ZFHX3: variants seen among roughly 807,000 people sequenced by gnomAD.
The protein encoded by ZFHX3 is zinc finger homeobox 3.
A neutral mutation model predicts 279.1 loss-of-function variants in ZFHX3; 42 were observed. The ratio of observed to expected loss-of-function variants is 0.15; its 90% CI spans 0.12 to 0.19. ZFHX3 has a LOEUF of 0.19. Among genes scored for constraint, ZFHX3 ranks in the 10% least tolerant of loss-of-function variants. The pLI is 1.00. For synonymous variants in ZFHX3, 2,293 were observed against 1,957.8 expected, an observed-to-expected ratio of 1.17 and a Z score of -4.52; for missense variants, 4,981 against 4,754.0, an observed-to-expected ratio of 1.05 and a Z score of -1.40.
At chr16:73,220,950 G>A (rs918805080) in intron 5 of ZFHX3, among the ~76,000 whole-genome samples, 1 of 152,166 alleles carries the variant, frequency 6.6e-6, no homozygotes, top group Non-Finnish European at 1.5e-5. Context: ...CAGTGGTCCA[G>A]GGAATCTCTG....
At chr16:73,736,804 T>G (rs1597088591) in intron 1 of ZFHX3, among the ~76,000 whole-genome samples, 1 of 152,230 alleles carries the variant, frequency 6.6e-6, no homozygotes, top group Admixed American at 6.5e-5. Flanking sequence ...CAGTTGGCCA[T>G]CTTTAGCAGG....
intron 1 of ZFHX3, among the ~76,000 whole-genome samples, chr16:73,709,673 G>C (rs1479823709): frequency 2.0e-5 from 3 of 152,030 alleles, no homozygotes; most frequent in Non-Finnish European, 4.4e-5. Flanking sequence ...ATTTCAGTTA[G>C]GAAGAATAAC....
intron 4 of ZFHX3, among the ~76,000 whole-genome samples, chr16:72,872,887 C>A (rs1337502462): frequency 6.6e-6 from 1 of 152,214 alleles, no homozygotes; most frequent in Non-Finnish European, 1.5e-5. Context: ...CAATTTTTGG[C>A]CCTGCCCAAG....
intron 5 of ZFHX3, among the ~76,000 whole-genome samples, chr16:73,226,854 C>T (rs763222734): frequency 1.3e-4 from 20 of 152,308 alleles, no homozygotes; most frequent in Middle Eastern, 3.4e-3. Flanking sequence ...GATCTTCTAG[C>T]GCCTTCACGT....
At position 73,105,396 on chromosome 16, in the gene ZFHX3, T is replaced by TATATATATATACACACACAC. The variant is rs1567389819; in HGVS notation, c.-896-11799_-896-11798insGTGTGTGTGTATATATATAT. On this transcript the variant is annotated intron_variant, in intron 7 of 17. Transcript: ENST00000641206. Reference sequence around the variant, plus strand: ...ATATATATATATACACACACACACATATATATATATATACACACACACATA... The same window carrying TATATATATATACACACACAC: ...ATATATATATATACACACACACACATATATATATATACACACACACATATATATATATACACACACACATA... Among the ~76,000 whole-genome samples, 13 of 33,112 alleles carry TATATATATATACACACACAC rather than the reference T, an allele frequency of 3.9e-4. 1 individual carries two copies. The highest frequency in any genetic ancestry group is 9.3e-4 in the African/African-American group (10 of 10,762). 21.7% of individuals were successfully genotyped at this position (33,112 alleles called of 152,430 possible).
At chr16:73,881,487 C>CT (rs202201864) in intron 1 of ZFHX3, among the ~76,000 whole-genome samples, 1 of 83,628 alleles carries the variant, frequency 1.2e-5, no homozygotes, top group Non-Finnish European at 3.3e-5. Flanking sequence ...TCTGCCCCCC[C>CT]CCCCCACTCT....
intron 4 of ZFHX3, among the ~76,000 whole-genome samples, chr16:72,870,926 C>G (rs2038145823): frequency 6.6e-6 from 1 of 152,120 alleles, no homozygotes; most frequent in African/African-American, 2.4e-5. Context: ...GAAATACACA[C>G]TAACTTATTT....
At chr16:73,024,899 A>G (rs770518174) in intron 1 of ZFHX3, among the ~76,000 whole-genome samples, 1 of 152,186 alleles carries the variant, frequency 6.6e-6, no homozygotes, top group Non-Finnish European at 1.5e-5. Flanking sequence ...GGGCCCAGGA[A>G]GGCCCTGCAC....
chr16:73,241,473 G>A (rs1188057613), intron 5 of ZFHX3, among the ~76,000 whole-genome samples: 1 of 152,114 alleles, frequency 6.6e-6, no homozygotes, highest in Non-Finnish European at 1.5e-5. Context: ...AGTGTAGTGA[G>A]ATTCAGAAAC....
intron 4 of ZFHX3, among the ~76,000 whole-genome samples, chr16:72,864,118 G>A (rs1224332332): frequency 3.4e-5 from 5 of 148,240 alleles, no homozygotes; most frequent in African/African-American, 4.9e-5. Context: ...ACTCCATCTC[G>A]AAAAAAAAAA....
chr16:73,615,205 AAGG>A (rs2052287754), intron 2 of ZFHX3, among the ~76,000 whole-genome samples: 1 of 151,968 alleles, frequency 6.6e-6, no homozygotes, highest in Admixed American at 6.6e-5. Context: ...GCCTAGAAGA[AAGG>A]AGGAGGGAGG....
intron 1 of ZFHX3, among the ~76,000 whole-genome samples, chr16:73,847,525 G>A (rs774650383): frequency 6.6e-5 from 10 of 152,044 alleles, no homozygotes; most frequent in Admixed American, 2.6e-4. Context: ...TATAATTGGC[G>A]TCAATTATAA....
intron 1 of ZFHX3, among the ~76,000 whole-genome samples, chr16:73,012,490 T>C (rs1212535857): frequency 6.6e-6 from 1 of 152,144 alleles, no homozygotes; most frequent in Non-Finnish European, 1.5e-5. Context: ...GGATCTTAAA[T>C]ACACAGTTTT....
chr16:73,706,319 G>A (rs1361419966), intron 1 of ZFHX3, among the ~76,000 whole-genome samples: 1 of 151,856 alleles, frequency 6.6e-6, no homozygotes, highest in African/African-American at 2.4e-5. Context: ...AAAATTAGCT[G>A]GGTGTCGTGG....
chr16:73,018,226 A>G (rs1200733000), intron 1 of ZFHX3, among the ~76,000 whole-genome samples: 1 of 151,916 alleles, frequency 6.6e-6, no homozygotes, highest in African/African-American at 2.4e-5. Context: ...TCCTGGGCTC[A>G]AGCAATCCTC....
chr16:73,073,062 A>C (rs1006685388), intron 8 of ZFHX3, among the ~76,000 whole-genome samples: 4 of 149,570 alleles, frequency 2.7e-5, no homozygotes, highest in Non-Finnish European at 4.4e-5. Flanking sequence ...ATGCCCGGCT[A>C]ATTTTTTCTA....
At position 73,793,759 on chromosome 16, in the gene ZFHX3, G is replaced by A. The variant is rs747913339; in HGVS notation, c.-1608+97892C>T. ...GAATGAAGAGGAATAAGAGGAGGAG[G>A]AGTCCCGACAATTGACAGCCTGTTT... On this transcript the variant is annotated intron_variant, in intron 1 of 17. Transcript: ENST00000641206. Among the ~76,000 whole-genome samples the A allele has an allele frequency of 9.8e-5, 15 of 152,314 alleles. No homozygotes were observed. The East Asian group carries it at 2.7e-3, about 27-fold the overall frequency.
chr16:73,272,317 T>C (rs2014169158), intron 4 of ZFHX3, among the ~76,000 whole-genome samples: 1 of 152,216 alleles, frequency 6.6e-6, no homozygotes, highest in African/African-American at 2.4e-5. Context: ...CCAGTTTTTT[T>C]CTGGTAAAAT....
intron 7 of ZFHX3, among the ~76,000 whole-genome samples, chr16:73,129,749 C>T (rs1015249088): frequency 4.0e-5 from 6 of 151,862 alleles, no homozygotes; most frequent in South Asian, 2.1e-4. Flanking sequence ...TATGCCCACT[C>T]GCCAATGTCT....
Sources: allele counts gnomAD v4.1 joint callset (sites outside exome capture counted in the v4.1 genomes callset), GRCh38; gene constraint gnomAD v4.1.1; transcripts MANE v1.5; gene names NCBI Gene and HGNC (gene_info 2026-07-23, HGNC 2026-07-21).